The following LOC128092252 variants were observed in gnomAD, a reference collection of about 807,000 sequenced individuals.
At chr15:50,682,882 T>G in the LOC128092252 span, among the ~76,000 whole-genome samples, 16 of 151,564 alleles carry the variant, frequency 1.1e-4, no homozygotes, top group East Asian at 1.8e-3. Context: ...CACTGAATTT[T>G]GCTTCCCGGT....
At chr15:50,666,751 G>C in the LOC128092252 span, among the ~76,000 whole-genome samples, 27 of 151,918 alleles carry the variant, frequency 1.8e-4, 1 homozygote, top group South Asian at 5.0e-3. Flanking sequence ...ATGGTGAGCC[G>C]AGATCGTGCC....
the LOC128092252 span, among the ~76,000 whole-genome samples, chr15:50,665,915 C>T: frequency 6.6e-6 from 1 of 152,044 alleles, no homozygotes; most frequent in Non-Finnish European, 1.5e-5. Context: ...ACTGCTTGAA[C>T]GTGGAAGGCA....
the LOC128092252 span, among the ~76,000 whole-genome samples, chr15:50,650,871 A>ACTATTGTCAGCATGG: frequency 1.3e-5 from 2 of 152,148 alleles, no homozygotes; most frequent in Non-Finnish European, 2.9e-5. Flanking sequence ...CATAAAATTC[A>ACTATTGTCAGCATGG]CTATTGTCAG....
chr15:50,654,562 G>T, the LOC128092252 span, among the ~76,000 whole-genome samples: 3 of 151,596 alleles, frequency 2.0e-5, no homozygotes, highest in African/African-American at 7.2e-5. Context: ...TCTAATGCAG[G>T]TATTATAAAT....
chr15:50,677,373 C>T, the LOC128092252 span, among the ~76,000 whole-genome samples: 4 of 151,930 alleles, frequency 2.6e-5, no homozygotes, highest in African/African-American at 4.8e-5. Context: ...TATGAATTCT[C>T]GGGGAGCGAG....
chr15:50,675,097 C>T, the LOC128092252 span, among the ~76,000 whole-genome samples: 4 of 152,176 alleles, frequency 2.6e-5, no homozygotes, highest in African/African-American at 9.7e-5. Context: ...TATCCCAACA[C>T]TTTGGGAAGC....
chr15:50,670,040 T>A, the LOC128092252 span, among the ~76,000 whole-genome samples: 5 of 152,212 alleles, frequency 3.3e-5, no homozygotes, highest in African/African-American at 1.2e-4. Context: ...CTTTCAGATA[T>A]CATGTTTTGT....
chr15:50,686,705 C>A, the LOC128092252 span: 1 of 829,802 alleles, frequency 1.2e-6, no homozygotes, highest in Admixed American at 3.3e-5. Context: ...GCAGCAGAAG[C>A]CGAGTCTTTC....
At chr15:50,679,538 A>ATATATATTT in the LOC128092252 span, among the ~76,000 whole-genome samples, 85 of 43,862 alleles carry the variant, frequency 1.9e-3, 3 homozygotes, top group African/African-American at 8.8e-3. Context: ...ATATATATAT[A>ATATATATTT]TTTTTTTTTT....
the LOC128092252 span, chr15:50,657,913 TTA>T: frequency 1.1e-6 from 1 of 889,120 alleles, no homozygotes; most frequent in Non-Finnish European, 1.7e-6. Context: ...ACAAAAAAAA[TTA>T]TATACCTAGT....
the LOC128092252 span, among the ~76,000 whole-genome samples, chr15:50,657,150 C>A: frequency 6.6e-6 from 1 of 152,048 alleles, no homozygotes; most frequent in Non-Finnish European, 1.5e-5. Flanking sequence ...ATGGTGAAAC[C>A]CCATTTCTAC....
the LOC128092252 span, chr15:50,663,053 C>T: frequency 6.2e-7 from 1 of 1,606,780 alleles, no homozygotes; most frequent in South Asian, 1.1e-5. Flanking sequence ...GGGACTAAAA[C>T]AAAATGTTTT....
At chr15:50,673,022 T>C in the LOC128092252 span, among the ~76,000 whole-genome samples, 2 of 150,494 alleles carry the variant, frequency 1.3e-5, no homozygotes, top group Non-Finnish European at 2.9e-5. Context: ...TTTTAAAATG[T>C]TTACAAATCT....
chr15:50,667,765 A>G, the LOC128092252 span, among the ~76,000 whole-genome samples: 1 of 152,306 alleles, frequency 6.6e-6, no homozygotes, highest in African/African-American at 2.4e-5. Flanking sequence ...CAATTTGTCT[A>G]TAAGGTTTTA....
the LOC128092252 span, among the ~76,000 whole-genome samples, chr15:50,678,859 C>T: frequency 4.9e-5 from 7 of 143,688 alleles, no homozygotes; most frequent in South Asian, 1.6e-3. Context: ...GTGAGAAACC[C>T]ATCTTTGCAA....
At chr15:50,686,006 G>C in the LOC128092252 span, among the ~76,000 whole-genome samples, 1 of 152,200 alleles carries the variant, frequency 6.6e-6, no homozygotes, top group African/African-American at 2.4e-5. Flanking sequence ...TGTACCTGTA[G>C]AGTATCCGCT....
the LOC128092252 span, among the ~76,000 whole-genome samples, chr15:50,673,035 T>G: frequency 5.2e-4 from 78 of 149,792 alleles, no homozygotes; most frequent in African/African-American, 2.0e-3. Context: ...ACAAATCTGT[T>G]AAATTAAAAA....
At chr15:50,652,152 G>A in the LOC128092252 span, among the ~76,000 whole-genome samples, 1 of 151,084 alleles carries the variant, frequency 6.6e-6, no homozygotes, top group African/African-American at 2.4e-5. Flanking sequence ...GGCCAACATG[G>A]TGAAATCCTG....
chr15:50,653,590 A>C, the LOC128092252 span, among the ~76,000 whole-genome samples: 1 of 152,196 alleles, frequency 6.6e-6, no homozygotes, highest in East Asian at 1.9e-4. Flanking sequence ...GTAAACCCCC[A>C]TGACTGCACC....
Sources: gnomAD v4.1 joint callset for allele counts (sites outside exome capture counted in the v4.1 genomes callset) on GRCh38, gnomAD v4.1.1 for gene constraint, MANE v1.5 for transcripts.